Variants in ACE observed in about 807,000 individuals in gnomAD.
ACE encodes the protein angiotensin-converting enzyme.
A neutral mutation model predicts 162.3 loss-of-function variants in ACE; 122 were observed. The ratio of observed to expected loss-of-function variants is 0.75; its 90% CI spans 0.65 to 0.87. The LOEUF (loss-of-function observed/expected upper bound fraction) is 0.87, where lower values mean the gene tolerates loss of function less well. Ranked by LOEUF, ACE falls within the 40% of genes least tolerant of loss-of-function variation. The pLI, the probability that ACE is intolerant of heterozygous loss-of-function variation, is 0.00. For synonymous variants in ACE, 796 were observed against 720.6 expected (o/e 1.10, Z -1.68); for missense variants, 1,799 against 1,735.1 (o/e 1.04, Z -0.65).
chr17:63,487,597 T>C (rs886209090), intron 15 of ACE, among the ~76,000 whole-genome samples: 1 of 152,192 alleles, frequency 6.6e-6, no homozygotes, highest in African/African-American at 2.4e-5. Context: ...TGCCACTTCC[T>C]ACTGGATAGA....
At chr17:63,488,360 GAAAAAAAAA>G (rs561946751) in intron 15 of ACE, among the ~76,000 whole-genome samples, 1 of 98,428 alleles carries the variant, frequency 1.0e-5, no homozygotes, top group African/African-American at 4.0e-5. Flanking sequence ...CCCTGTCTCA[GAAAAAAAAA>G]AAAAAAAAAA....
intron 22 of ACE, 44 bp downstream of exon 22, chr17:63,494,514 ACAGC>A: frequency 6.5e-7 from 1 of 1,541,958 alleles, no homozygotes; most frequent in Admixed American, 1.7e-5. Context: ...GGCAGTACCC[ACAGC>A]TTTGTGTTTC....
intron 20 of ACE, 115 bp downstream of exon 20, chr17:63,493,774 CGGAA>C (rs530348382): frequency 1.3e-6 from 2 of 1,516,114 alleles, no homozygotes; most frequent in Non-Finnish European, 1.8e-6. Context: ...GCAGAGCAAT[CGGAA>C]GGAAGGGAGC....
Position 63,484,428 on chromosome 17 carries a change from TC to T in ACE, c.1810del (p.Gln604SerfsTer37). ...GATGCCCAGCCGCTGCTCAAGTACTTCCAGCCAGTCACCCAGTGGCTGCAGG... is the reference window on the plus strand; with the variant it reads ...GATGCCCAGCCGCTGCTCAAGTACTTCAGCCAGTCACCCAGTGGCTGCAGG... The part of the protein sequence containing the change: ...ALDAQPLLKY[F>X]QPVTQWLQEQ... On this transcript the variant is annotated frameshift_variant, in exon 12 of 25. Coordinates refer to ENST00000290866, the MANE Select transcript of ACE (RefSeq NM_000789.4). LOFTEE classifies it high-confidence loss of function. The surrounding 1 kb of genome is among the most constrained non-coding windows in gnomAD (Gnocchi z 4.0). The T allele has an allele frequency of 1.9e-6, 3 of 1,612,274 alleles. No homozygotes were observed. Among genetic ancestry groups the T allele is most frequent in the Non-Finnish European group, 2.5e-6 (3 of 1,179,892 alleles).
chr17:63,478,110 G>A lies in ACE; in HGVS notation c.417+12G>A, dbSNP rs768970823. 6.4e-7 allele frequency: 1 copy of A among 1,571,422 alleles called. No individual in the cohort carries two copies. The highest frequency in any genetic ancestry group is 1.2e-5 in the South Asian group (1 of 86,106). ...CTAAGCGGCAGCAGGTGGGCTGAGG[G>A]CTGAGGCAGAGCTCGGGGGCGGCCT... On this transcript the variant is annotated intron_variant, in intron 2 of 24. Transcript: ENST00000290866.
rs2030524475 is a variant in ACE, at chr17:63,493,530, C to G, written c.3007C>G (p.Pro1003Ala). ...GTATTTCATGCAGTACAAAGACTTA[C>G]CTGTGGCCTTGAGGGAGGGTGCCAA... ...IQYFMQYKDL[P>A]VALREGANPG... The change falls in exon 20 of 25, where the codon CCT becomes GCT. Residue 1003 changes from proline to alanine, a missense_variant. Physicochemically the swap from Pro to Ala is conservative, Grantham distance 27. Transcript: ENST00000290866. 1.2e-6 allele frequency: 2 copies of G among 1,613,996 alleles called. No individual in the cohort carries two copies. Among genetic ancestry groups the G allele is most frequent in the African/African-American group, 2.7e-5 (2 of 74,900 alleles).
At chr17:63,497,095 C>T (rs749178399) in intron 24 of ACE, 42 bp from the exon 25 acceptor site, 1 of 1,591,896 alleles carries the variant, frequency 6.3e-7, no homozygotes, top group Admixed American at 1.7e-5. Flanking sequence ...TTGCCCTGCC[C>T]TGCCCTGCCC....
chr17:63,488,234 C>T (rs2147552246), intron 15 of ACE, among the ~76,000 whole-genome samples: 1 of 152,030 alleles, frequency 6.6e-6, no homozygotes, highest in South Asian at 2.1e-4. Flanking sequence ...TGGTGCATGC[C>T]TGTAGTCCTA....
chr17:63,477,856 G>C (rs1176859886), intron 1 of ACE, 75 bp from the exon 2 acceptor site: 1 of 1,540,938 alleles, frequency 6.5e-7, no homozygotes, highest in Admixed American at 1.9e-5. Context: ...CCCTCCCCCA[G>C]CACCGTGGCT....
chr17:63,486,037 CCT>C (rs1304126785), intron 13 of ACE, among the ~76,000 whole-genome samples: 1 of 152,246 alleles, frequency 6.6e-6, no homozygotes, highest in African/African-American at 2.4e-5. Flanking sequence ...AGATTGAAAG[CCT>C]CTGTTTGTCT....
rs1407560799 is a variant in ACE, at chr17:63,491,945, G to GC, written c.2912+569dup. 6.6e-6 allele frequency among the ~76,000 whole-genome samples: 1 copy of GC among 152,176 alleles called. No individual in the cohort carries two copies. The highest frequency in any genetic ancestry group is 1.5e-5 in the Non-Finnish European group (1 of 68,032). ...AGTGGAAATGGCCTTTCTCTACAGGGCCCCCTCTGTTGGGGGCAGCTCTCA... is the reference window on the plus strand; with the variant it reads ...AGTGGAAATGGCCTTTCTCTACAGGGCCCCCCTCTGTTGGGGGCAGCTCTCA... On this transcript the variant is annotated intron_variant, in intron 19 of 24. Coordinates refer to ENST00000290866, the MANE Select transcript of ACE (RefSeq NM_000789.4). This position sits in a 1 kb window ranked among gnomAD's most constrained non-coding sequence, Gnocchi z 4.4.
In ACE at chr17:63,493,673, G is replaced by T; in HGVS notation, c.3136+14G>T. The T allele has an allele frequency of 6.2e-7, 1 of 1,613,156 alleles. No homozygotes were observed. Among genetic ancestry groups the T allele is most frequent in the South Asian group, 1.1e-5 (1 of 90,956 alleles). On this transcript the variant is annotated intron_variant, in intron 20 of 24. Coordinates refer to ENST00000290866, the MANE Select transcript of ACE (RefSeq NM_000789.4). ...GTGGCAGCGACGGTGAGAGAGAAGC[G>T]GGAGGCCCTGGTGGGCTGAGGACCA...
At position 63,478,083 on chromosome 17, in the gene ACE, G is replaced by GGCT. The variant is rs1219116776; in HGVS notation, c.403_405dup (p.Ala135dup). The GGCT allele has an allele frequency of 1.7e-5, 27 of 1,588,076 alleles. No homozygotes were observed. Among genetic ancestry groups the GGCT allele is most frequent in the Non-Finnish European group, 2.3e-5 (27 of 1,167,294 alleles). On this transcript the variant is annotated inframe_insertion, in exon 2 of 25. Coordinates refer to ENST00000290866, the MANE Select transcript of ACE (RefSeq NM_000789.4). ...CCCTGGGCTCTGCCAACCTGCCCCTGGCTAAGCGGCAGCAGGTGGGCTGAG... is the reference window on the plus strand; with the variant it reads ...CCCTGGGCTCTGCCAACCTGCCCCTGGCTGCTAAGCGGCAGCAGGTGGGCTGAG...
Position 63,482,628 on chromosome 17 carries a change from G to A in ACE, c.1281G>A (p.Ser427=), listed in dbSNP as rs541236264. 15 of 1,613,996 alleles carry A rather than the reference G, an allele frequency of 9.3e-6. No individual in the cohort carries two copies. The highest frequency in any genetic ancestry group is 5.5e-5 in the South Asian group (5 of 91,072). Residue 427 remains serine, a synonymous_variant, in exon 8 of 25, where the codon TCG becomes TCA. Coordinates refer to ENST00000290866, the MANE Select transcript of ACE (RefSeq NM_000789.4). ...CCATTGGGGACGTGCTGGCGCTCTCGGTCTCCACTCCTGAACATCTGCACA... is the reference window on the plus strand; with the variant it reads ...CCATTGGGGACGTGCTGGCGCTCTCAGTCTCCACTCCTGAACATCTGCACA... The part of the protein sequence containing the change: ...HEAIGDVLAL[S]VSTPEHLHKI...
intron 22 of ACE, among the ~76,000 whole-genome samples, chr17:63,495,173 C>T (rs1326430020): frequency 6.6e-6 from 1 of 152,226 alleles, no homozygotes; most frequent in Non-Finnish European, 1.5e-5. Flanking sequence ...TGTAGCTGCA[C>T]ACTAGGTCTG....
chr17:63,485,246 T>TGATGA lies in ACE; in HGVS notation c.1934_1938dup (p.Ala647MetfsTer49). ...CACTCTGTCCCACAGACCTGGTGAC[T>TGATGA]GATGAGGCTGAGGCCAGCAAGTTTG... is the stretch of plus-strand genomic sequence containing the variant. On this transcript the variant is annotated frameshift_variant, in exon 13 of 25. Coordinates refer to ENST00000290866, the MANE Select transcript of ACE (RefSeq NM_000789.4). LOFTEE classifies it high-confidence loss of function. 1 of 1,614,068 alleles carries TGATGA rather than the reference T, an allele frequency of 6.2e-7. No homozygotes were observed. The highest frequency in any genetic ancestry group is 1.1e-5 in the South Asian group (1 of 91,086).
intron 8 of ACE, among the ~76,000 whole-genome samples, 162 bp from the exon 9 acceptor site, chr17:63,482,867 C>T (rs902959823): frequency 2.6e-5 from 4 of 152,138 alleles, no homozygotes; most frequent in Non-Finnish European, 5.9e-5. Context: ...CTCAGCACAC[C>T]TGGGGGTCCT....
chr17:63,485,206 T>C (rs1599144418), intron 12 of ACE, 30 bp from the exon 13 acceptor site: 1 of 1,613,690 alleles, frequency 6.2e-7, no homozygotes, highest in Admixed American at 1.7e-5. Flanking sequence ...AGGCAGAGGT[T>C]TGTCTGTTTC....
intron 13 of ACE, 122 bp from the exon 14 acceptor site, chr17:63,486,435 G>A: frequency 9.4e-7 from 1 of 1,068,128 alleles, no homozygotes; most frequent in Non-Finnish European, 1.4e-6. Context: ...GGCAAAGGTT[G>A]CAACTTAATT....
Sources: allele counts gnomAD v4.1 joint callset (sites outside exome capture counted in the v4.1 genomes callset), GRCh38; gene constraint gnomAD v4.1.1; non-coding constraint Gnocchi (gnomAD v3.1); transcripts MANE v1.5; gene names NCBI Gene and HGNC (gene_info 2026-07-23, HGNC 2026-07-21).